Variants in RPS6KC1 observed in about 807,000 individuals in gnomAD.
RPS6KC1 encodes inactive ribosomal protein S6 kinase delta-1.
A neutral mutation model predicts 103.8 loss-of-function variants in RPS6KC1; 54 were observed. The observed-to-expected ratio is 0.52, with a 90% confidence interval of 0.42 to 0.65. RPS6KC1 has a LOEUF of 0.65. Ranked by LOEUF, RPS6KC1 falls within the 30% of genes least tolerant of loss-of-function variation. RPS6KC1 has a pLI of 0.00. For synonymous variants in RPS6KC1, 439 were observed against 438.7 expected (o/e 1.00, Z -0.01); for missense variants, 1,151 against 1,253.8 (o/e 0.92, Z 1.24).
chr1:213,194,175 A>G (rs1214798479), intron 8 of RPS6KC1, among the ~76,000 whole-genome samples: 1 of 151,850 alleles, frequency 6.6e-6, no homozygotes, highest in Non-Finnish European at 1.5e-5. Flanking sequence ...ATCTTTTTCC[A>G]TCTCTTTATT....
At chr1:213,184,292 C>G (rs1326859843) in intron 8 of RPS6KC1, among the ~76,000 whole-genome samples, 1 of 151,954 alleles carries the variant, frequency 6.6e-6, no homozygotes, top group African/African-American at 2.4e-5. Flanking sequence ...AGAAAGAAAA[C>G]TATAGACCAA....
At chr1:213,685,489 G>T in the RPS6KC1 span, among the ~76,000 whole-genome samples, 1 of 152,068 alleles carries the variant, frequency 6.6e-6, no homozygotes, top group African/African-American at 2.4e-5. Flanking sequence ...AATTAGCCAG[G>T]CTTGCTGGCA....
chr1:213,790,398 G>A, the RPS6KC1 span, among the ~76,000 whole-genome samples: 1 of 152,146 alleles, frequency 6.6e-6, no homozygotes, highest in Admixed American at 6.5e-5. Context: ...TAAGAAGACA[G>A]AGTTAGAGGC....
the RPS6KC1 span, among the ~76,000 whole-genome samples, chr1:213,798,203 G>A: frequency 1.3e-5 from 2 of 152,338 alleles, no homozygotes; most frequent in East Asian, 3.9e-4. Context: ...GCCCATAAAA[G>A]TACGGATGTG....
chr1:213,272,652 C>CT lies in RPS6KC1; in HGVS notation c.*20dup. ...TGAGATGAACGTAATGCAGGGTTAT[C>CT]TTCACACATTCTGATCTTCTCTGTG... On this transcript the variant is annotated 3_prime_UTR_variant, in exon 15 of 15. Transcript: ENST00000366960. The CT allele has an allele frequency of 6.4e-7, 1 of 1,555,460 alleles. No individual in the cohort carries two copies. The highest frequency in any genetic ancestry group is 8.9e-7 in the Non-Finnish European group (1 of 1,126,660).
At chr1:213,421,154 C>T in the RPS6KC1 span, among the ~76,000 whole-genome samples, 2 of 152,060 alleles carry the variant, frequency 1.3e-5, no homozygotes, top group Non-Finnish European at 2.9e-5. Context: ...ACAGAGTTTC[C>T]GTCTTGTTGG....
At chr1:213,336,674 C>T in the RPS6KC1 span, among the ~76,000 whole-genome samples, 1 of 152,108 alleles carries the variant, frequency 6.6e-6, no homozygotes, top group Non-Finnish European at 1.5e-5. Context: ...TACTCTTATT[C>T]CCATTTTACA....
the RPS6KC1 span, among the ~76,000 whole-genome samples, chr1:213,796,802 A>T: frequency 6.6e-6 from 1 of 152,274 alleles, no homozygotes; most frequent in Non-Finnish European, 1.5e-5. Flanking sequence ...GTTTAACCCG[A>T]TTTCTTTCCC....
At chr1:213,247,001 C>T (rs572024093) in intron 12 of RPS6KC1, among the ~76,000 whole-genome samples, 1 of 152,278 alleles carries the variant, frequency 6.6e-6, no homozygotes, top group African/African-American at 2.4e-5. Flanking sequence ...GTTTCCCATT[C>T]TAGTCTTGAA....
At chr1:213,053,236 T>A (rs2077087453) in intron 1 of RPS6KC1, among the ~76,000 whole-genome samples, 1 of 152,238 alleles carries the variant, frequency 6.6e-6, no homozygotes, top group Admixed American at 6.5e-5. Context: ...TCTCACAGCA[T>A]CCTACTTATC....
At chr1:213,579,851 G>A in the RPS6KC1 span, among the ~76,000 whole-genome samples, 3 of 151,968 alleles carry the variant, frequency 2.0e-5, no homozygotes, top group South Asian at 2.1e-4. Context: ...GTCTACGTTC[G>A]AGAATTACTG....
chr1:213,504,726 G>A, the RPS6KC1 span, among the ~76,000 whole-genome samples: 55 of 152,028 alleles, frequency 3.6e-4, no homozygotes, highest in African/African-American at 1.3e-3. Flanking sequence ...TGTTGCTTTT[G>A]GAAAATTTGA....
At chr1:213,549,822 C>T in the RPS6KC1 span, among the ~76,000 whole-genome samples, 1 of 151,880 alleles carries the variant, frequency 6.6e-6, no homozygotes, top group Non-Finnish European at 1.5e-5. Flanking sequence ...TCAGCACCAC[C>T]CAAGCCTGGT....
the RPS6KC1 span, among the ~76,000 whole-genome samples, chr1:213,527,799 A>G: frequency 6.6e-6 from 1 of 152,206 alleles, no homozygotes; most frequent in African/African-American, 2.4e-5. Context: ...CAAAAACTTA[A>G]TTAGTAATAG....
intron 6 of RPS6KC1, among the ~76,000 whole-genome samples, chr1:213,152,424 A>G (rs1199008305): frequency 6.8e-5 from 9 of 132,840 alleles, no homozygotes; most frequent in Non-Finnish European, 1.3e-4. Context: ...CCGGGCGGAG[A>G]CGCTCCTCAC....
the RPS6KC1 span, among the ~76,000 whole-genome samples, chr1:213,416,017 A>C: frequency 1.3e-5 from 2 of 152,206 alleles, no homozygotes; most frequent in Non-Finnish European, 2.9e-5. Flanking sequence ...AAAATCTTGT[A>C]CCAAGAGCTG....
chr1:213,423,641 A>G, the RPS6KC1 span, among the ~76,000 whole-genome samples: 2 of 152,222 alleles, frequency 1.3e-5, no homozygotes, highest in Non-Finnish European at 2.9e-5. Flanking sequence ...AGAAGCCAGC[A>G]AGAGGAAAGG....
intron 6 of RPS6KC1, among the ~76,000 whole-genome samples, chr1:213,151,617 A>C (rs1418987401): frequency 2.9e-3 from 175 of 60,584 alleles, no homozygotes; most frequent in Admixed American, 4.8e-3. Context: ...CCCCACCTCC[A>C]TCCCAGACGG....
chr1:213,443,233 A>G, the RPS6KC1 span, among the ~76,000 whole-genome samples: 10 of 152,166 alleles, frequency 6.6e-5, no homozygotes, highest in Non-Finnish European at 1.3e-4. Flanking sequence ...GCCATTGTTT[A>G]AGTTGAGGAA....
Sources: gnomAD v4.1 joint callset for allele counts (sites outside exome capture counted in the v4.1 genomes callset) on GRCh38, gnomAD v4.1.1 for gene constraint, MANE v1.5 for transcripts, NCBI Gene and HGNC (gene_info 2026-07-23, HGNC 2026-07-21) for gene names.